Variants in ZNF804B observed in about 807,000 individuals in gnomAD.
The protein encoded by ZNF804B is zinc finger protein 804B.
Under a neutral mutation model 101.4 loss-of-function variants are expected in ZNF804B, and 80 were observed. The ratio of observed to expected loss-of-function variants is 0.79; its 90% confidence interval spans 0.66 to 0.95. The LOEUF is 0.95. Among genes scored for constraint, ZNF804B ranks in the 40% least tolerant of loss-of-function variants. The pLI is 0.00. For missense variants in ZNF804B, 1,673 were observed against 1,561.9 expected (o/e 1.07, Z -1.20); for synonymous variants, 622 against 558.8 (o/e 1.11, Z -1.59).
chr7:88,938,964 C>A (rs571525395), intron 1 of ZNF804B, among the ~76,000 whole-genome samples: 187 of 152,124 alleles, frequency 1.2e-3, no homozygotes, highest in Non-Finnish European at 1.8e-3. Flanking sequence ...CTAAGGAATT[C>A]TTGTCACTAA....
intron 1 of ZNF804B, among the ~76,000 whole-genome samples, chr7:88,831,465 ACT>A (rs1430180023): frequency 6.6e-6 from 1 of 151,326 alleles, no homozygotes; most frequent in African/African-American, 2.4e-5. Flanking sequence ...TTAAGTTATG[ACT>A]ACTTTTCTGT....
chr7:89,280,153 A>T (rs946463828), intron 2 of ZNF804B, among the ~76,000 whole-genome samples: 2 of 152,278 alleles, frequency 1.3e-5, no homozygotes, highest in Admixed American at 6.5e-5. Flanking sequence ...TGCTCCTGAA[A>T]GACTACTGGG....
intron 2 of ZNF804B, among the ~76,000 whole-genome samples, chr7:89,234,124 C>T (rs979645985): frequency 1.3e-5 from 2 of 152,140 alleles, no homozygotes; most frequent in Admixed American, 6.5e-5. Flanking sequence ...AATTTTTTGA[C>T]TTATAATCCA....
At chr7:89,133,843 T>G (rs1251237416) in intron 1 of ZNF804B, among the ~76,000 whole-genome samples, 1 of 152,106 alleles carries the variant, frequency 6.6e-6, no homozygotes, top group Non-Finnish European at 1.5e-5. Context: ...TCAGTTTATT[T>G]TGTATCTCAT....
intron 1 of ZNF804B, among the ~76,000 whole-genome samples, chr7:89,033,052 AC>A (rs199714104): frequency 2.0e-5 from 3 of 151,082 alleles, no homozygotes; most frequent in Admixed American, 6.6e-5. Context: ...AAAAAAAAAA[AC>A]CGTATCCCTC....
chr7:89,265,451 T>C (rs1789778828), intron 2 of ZNF804B, among the ~76,000 whole-genome samples: 1 of 152,174 alleles, frequency 6.6e-6, no homozygotes, highest in African/African-American at 2.4e-5. Context: ...TAGAACTCCA[T>C]AATTTAATTT....
intron 1 of ZNF804B, among the ~76,000 whole-genome samples, chr7:89,101,855 C>T (rs1790060464): frequency 6.6e-6 from 1 of 151,778 alleles, no homozygotes; most frequent in Admixed American, 6.6e-5. Context: ...ATCCTCATCC[C>T]CCTTCCTTTT....
At chr7:88,886,562 T>A (rs530901655) in intron 1 of ZNF804B, among the ~76,000 whole-genome samples, 6 of 152,284 alleles carry the variant, frequency 3.9e-5, no homozygotes, top group African/African-American at 1.4e-4. Context: ...CTTAATGATC[T>A]GAGTGCTAAT....
intron 3 of ZNF804B, 97 bp downstream of exon 3, chr7:89,327,571 A>ATT: frequency 6.8e-7 from 1 of 1,465,864 alleles, no homozygotes. Flanking sequence ...ACAAATAATA[A>ATT]CTAACTAATA....
chr7:89,201,541 G>A (rs1338389677), intron 1 of ZNF804B, among the ~76,000 whole-genome samples: 1 of 152,044 alleles, frequency 6.6e-6, no homozygotes, highest in South Asian at 2.1e-4. Context: ...GTCCAAGAAA[G>A]AAGTGCTGGG....
At chr7:89,033,327 G>A (rs1163968869) in intron 1 of ZNF804B, among the ~76,000 whole-genome samples, 1 of 152,124 alleles carries the variant, frequency 6.6e-6, no homozygotes, top group Non-Finnish European at 1.5e-5. Context: ...ATTCAGTCAT[G>A]TGTACATATT....
At chr7:89,325,053 C>T (rs1724565636) in intron 2 of ZNF804B, among the ~76,000 whole-genome samples, 4 of 151,770 alleles carry the variant, frequency 2.6e-5, no homozygotes, top group Non-Finnish European at 4.4e-5. Flanking sequence ...TGAAAACAGC[C>T]ACTATTCCTG....
chr7:89,255,203 C>T (rs954991379), intron 2 of ZNF804B, among the ~76,000 whole-genome samples: 2 of 152,072 alleles, frequency 1.3e-5, no homozygotes, highest in Non-Finnish European at 2.9e-5. Context: ...AAATGCCAGA[C>T]GCTTACAAAA....
chr7:89,145,692 C>T (rs527789536), intron 1 of ZNF804B, among the ~76,000 whole-genome samples: 24 of 152,064 alleles, frequency 1.6e-4, no homozygotes, highest in Admixed American at 3.3e-4. Flanking sequence ...ATACTTATTT[C>T]CCACTCTGGA....
intron 2 of ZNF804B, among the ~76,000 whole-genome samples, chr7:89,248,660 G>C (rs1421202325): frequency 6.6e-6 from 1 of 151,914 alleles, no homozygotes; most frequent in Non-Finnish European, 1.5e-5. Flanking sequence ...AGAAACAAAA[G>C]TACAATACCT....
intron 1 of ZNF804B, among the ~76,000 whole-genome samples, chr7:89,052,550 G>A (rs10233573): frequency 0.3 from 44,859 of 151,958 alleles, 6,967 homozygotes; most frequent in East Asian, 0.52. Context: ...CATCAAAGAA[G>A]CATTTATTAT....
intron 1 of ZNF804B, among the ~76,000 whole-genome samples, chr7:88,779,064 C>A (rs1790186836): frequency 6.6e-6 from 1 of 152,074 alleles, no homozygotes; most frequent in Non-Finnish European, 1.5e-5. Context: ...TCACTTTTCC[C>A]TGATTCTGAG....
At chr7:88,854,553 T>TC (rs1791525986) in intron 1 of ZNF804B, among the ~76,000 whole-genome samples, 2 of 130,168 alleles carry the variant, frequency 1.5e-5, no homozygotes, top group Admixed American at 1.6e-4. Flanking sequence ...CTTCCTTCCT[T>TC]CCTTCCTTCC....
chr7:88,932,237 A>G (rs910757798), intron 1 of ZNF804B, among the ~76,000 whole-genome samples: 3 of 151,776 alleles, frequency 2.0e-5, no homozygotes, highest in Non-Finnish European at 4.4e-5. Context: ...TCCCTCTGCC[A>G]TTGTACATAA....
Sources: gnomAD v4.1 joint callset for allele counts (sites outside exome capture counted in the v4.1 genomes callset) on GRCh38, gnomAD v4.1.1 for gene constraint, MANE v1.5 for transcripts, NCBI Gene and HGNC (gene_info 2026-07-23, HGNC 2026-07-21) for gene names.